Variants in PDE10A observed in about 807,000 individuals in gnomAD.
PDE10A encodes the protein phosphodiesterase 10A.
In PDE10A, 39 loss-of-function variants were observed where a neutral mutation model predicts 97.7. The observed-to-expected ratio is 0.40, with a 90% CI of 0.31 to 0.52. The LOEUF is 0.52. Ranked by LOEUF, PDE10A falls within the 20% of genes least tolerant of loss-of-function variation. The probability of loss-of-function intolerance (pLI) is 0.56; values close to 1 mark genes in which losing one functional copy is unlikely to be tolerated. For synonymous variants in PDE10A, 371 were observed against 376.8 expected, an observed-to-expected ratio of 0.98 and a Z score of 0.18; for missense variants, 731 against 1,047.8, an observed-to-expected ratio of 0.70 and a Z score of 4.17.
chr6:165,682,809 A>T (rs556257900), intron 1 of PDE10A, among the ~76,000 whole-genome samples: 2 of 152,296 alleles, frequency 1.3e-5, no homozygotes, highest in South Asian at 4.2e-4. Context: ...GAACGTGAAG[A>T]TCATCACTGA....
chr6:165,825,291 A>G (rs1779703459), intron 1 of PDE10A, among the ~76,000 whole-genome samples: 1 of 152,056 alleles, frequency 6.6e-6, no homozygotes, highest in African/African-American at 2.4e-5. Context: ...CTGGATGAGG[A>G]AGCCGAGGCC....
intron 1 of PDE10A, among the ~76,000 whole-genome samples, chr6:165,782,847 A>G (rs4709984): frequency 0.82 from 125,499 of 152,152 alleles, 51,905 homozygotes; most frequent in Middle Eastern, 0.9. Context: ...AGATTTCAAA[A>G]CTCCAGTTCC....
chr6:165,718,836 T>G (rs1792092365), intron 1 of PDE10A, among the ~76,000 whole-genome samples: 1 of 151,934 alleles, frequency 6.6e-6, no homozygotes, highest in Non-Finnish European at 1.5e-5. Flanking sequence ...AAGGAAAGCT[T>G]CCAACAAGAA....
intron 21 of PDE10A, among the ~76,000 whole-genome samples, chr6:165,333,589 C>A (rs1781468800): frequency 2.0e-5 from 3 of 152,182 alleles, no homozygotes; most frequent in Admixed American, 2.0e-4. Context: ...TACACTTGTT[C>A]TTATTCTGAA....
At chr6:165,357,898 C>CT (rs1007805682) in intron 18 of PDE10A, among the ~76,000 whole-genome samples, 1 of 152,042 alleles carries the variant, frequency 6.6e-6, no homozygotes, top group Non-Finnish European at 1.5e-5. Flanking sequence ...TTAATTTACT[C>CT]TTTTTTTCTA....
intron 1 of PDE10A, among the ~76,000 whole-genome samples, chr6:165,689,430 C>G (rs1791210830): frequency 6.6e-6 from 1 of 152,158 alleles, no homozygotes; most frequent in Admixed American, 6.5e-5. Flanking sequence ...TCCCCCAGAT[C>G]TCATGAGGAA....
At chr6:165,681,280 T>C (rs571864625) in intron 1 of PDE10A, among the ~76,000 whole-genome samples, 1 of 152,338 alleles carries the variant, frequency 6.6e-6, no homozygotes, top group South Asian at 2.1e-4. Context: ...TTAAGAAGCC[T>C]GTTTCCTAAT....
chr6:165,371,398 T>G (rs879908268), intron 18 of PDE10A, among the ~76,000 whole-genome samples: 15 of 152,070 alleles, frequency 9.9e-5, no homozygotes, highest in South Asian at 2.1e-4. Context: ...AAGGGCATAT[T>G]GCCACCAATC....
At chr6:165,482,862 T>C (rs865888267) in intron 2 of PDE10A, among the ~76,000 whole-genome samples, 1 of 152,208 alleles carries the variant, frequency 6.6e-6, no homozygotes, top group African/African-American at 2.4e-5. Context: ...TCCGTGTGTC[T>C]GAGGAGTTGT....
chr6:165,623,919 G>A (rs937398719), intron 1 of PDE10A, among the ~76,000 whole-genome samples: 1 of 152,302 alleles, frequency 6.6e-6, no homozygotes, highest in East Asian at 1.9e-4. Flanking sequence ...CTCAGTGGCT[G>A]CATGCTTCTC....
At chr6:165,343,602 A>T (rs559837368) in intron 18 of PDE10A, 100 bp from the exon 19 acceptor site, 1 of 805,566 alleles carries the variant, frequency 1.2e-6, no homozygotes, top group Admixed American at 1.9e-5. Flanking sequence ...TTAAGTATGT[A>T]TTACTTCATT....
intron 18 of PDE10A, among the ~76,000 whole-genome samples, chr6:165,375,808 T>C (rs1284156437): frequency 2.0e-5 from 3 of 152,230 alleles, no homozygotes; most frequent in African/African-American, 4.8e-5. Flanking sequence ...TTAAGAATTA[T>C]GCTAAGTCAA....
intron 18 of PDE10A, among the ~76,000 whole-genome samples, chr6:165,368,089 G>A (rs952896254): frequency 1.3e-5 from 2 of 152,086 alleles, no homozygotes; most frequent in Non-Finnish European, 2.9e-5. Context: ...TCTACCTCCC[G>A]GGTTCAAGCG....
At position 165,412,062 on chromosome 6, in the gene PDE10A, TGTTATAATA is replaced by T. The variant is rs985498416; in HGVS notation, c.2076+1430_2076+1438del. On this transcript the variant is annotated intron_variant, in intron 13 of 21. Transcript: ENST00000539869. ...TTTTATTTTTTGACATCTATCAAAATGTTATAATAGTTGACTTGATCACATATGTGATAA... is the reference window on the plus strand; with the variant it reads ...TTTTATTTTTTGACATCTATCAAAATGTTGACTTGATCACATATGTGATAA... Among the ~76,000 whole-genome samples the T allele has an allele frequency of 1.3e-3, 202 of 152,064 alleles. 1 individual carries two copies. Among genetic ancestry groups the T allele is most frequent in the African/African-American group, 4.5e-3 (186 of 41,556 alleles).
At chr6:165,783,566 G>A (rs1193709392) in intron 1 of PDE10A, among the ~76,000 whole-genome samples, 7 of 142,848 alleles carry the variant, frequency 4.9e-5, no homozygotes, top group African/African-American at 1.8e-4. Flanking sequence ...CAGAAGAGAG[G>A]ATGTTTTCTT....
chr6:165,832,611 C>T (rs1241760637), intron 1 of PDE10A, among the ~76,000 whole-genome samples: 1 of 152,224 alleles, frequency 6.6e-6, no homozygotes, highest in Non-Finnish European at 1.5e-5. Flanking sequence ...TGGCCCTAAA[C>T]AACCCGCAGT....
chr6:165,791,591 G>A (rs949182576), intron 1 of PDE10A, among the ~76,000 whole-genome samples: 1 of 152,124 alleles, frequency 6.6e-6, no homozygotes, highest in African/African-American at 2.4e-5. Flanking sequence ...GACACTGCTG[G>A]GTCTTTTGAT....
chr6:165,390,395 A>G lies in PDE10A; in HGVS notation c.2455-1942T>C, dbSNP rs899701929. On this transcript the variant is annotated intron_variant, in intron 16 of 21. Transcript: ENST00000539869. ...CGAGGAGAGGATTTTGAAAGAGTCA[A>G]TAGGGTAATGCTTACATGGGGTTTA... 5.9e-5 allele frequency among the ~76,000 whole-genome samples: 9 copies of G among 152,206 alleles called. No homozygotes were observed. The East Asian group carries it at 9.6e-4, about 16-fold the overall frequency.
chr6:165,771,967 C>T (rs988643041), intron 1 of PDE10A, among the ~76,000 whole-genome samples: 2 of 152,192 alleles, frequency 1.3e-5, no homozygotes, highest in Non-Finnish European at 2.9e-5. Context: ...CTTCCCTTGG[C>T]AGGCTCATCA....
Sources: gnomAD v4.1 joint callset for allele counts (sites outside exome capture counted in the v4.1 genomes callset) on GRCh38, gnomAD v4.1.1 for gene constraint, MANE v1.5 for transcripts, NCBI Gene and HGNC (gene_info 2026-07-23, HGNC 2026-07-21) for gene names.